The following ANKFN1 variants were observed in gnomAD, a reference collection of about 807,000 sequenced individuals.
The protein encoded by ANKFN1 is ankyrin repeat and fibronectin type-III domain-containing protein 1.
Under a neutral mutation model 108.7 loss-of-function variants are expected in ANKFN1, and 74 were observed. The observed-to-expected ratio is 0.68, with a 90% CI of 0.56 to 0.83. The LOEUF (loss-of-function observed/expected upper bound fraction) is 0.83, where lower values mean the gene tolerates loss of function less well. Ranked by LOEUF, ANKFN1 falls within the 40% of genes least tolerant of loss-of-function variation. The pLI is 0.00. For synonymous variants in ANKFN1, 547 were observed against 516.2 expected (o/e 1.06, Z -0.81); for missense variants, 1,505 against 1,382.3 (o/e 1.09, Z -1.41).
chr17:56,332,979 G>GTATATATATATATATA lies in ANKFN1; in HGVS notation c.188+6630_188+6645dup, dbSNP rs61494269. On this transcript the variant is annotated intron_variant, in intron 4 of 20. Transcript: ENST00000682825. ...ATGAACAAGGTGTGTATATATGTGT[G>GTATATATATATATATA]TATATATATATATATATATATCTTC... 3.4e-3 allele frequency among the ~76,000 whole-genome samples: 507 copies of GTATATATATATATATA among 147,750 alleles called. 6 individuals carry two copies. The highest frequency in any genetic ancestry group is 0.012 in the African/African-American group (468 of 39,496).
intron 10 of ANKFN1, among the ~76,000 whole-genome samples, chr17:56,447,485 G>A (rs1197566237): frequency 1.3e-5 from 2 of 152,280 alleles, no homozygotes; most frequent in African/African-American, 4.8e-5. Context: ...TTGAGGGTCA[G>A]GAGATATTAT....
chr17:56,374,944 C>T (rs1230207731), intron 8 of ANKFN1, among the ~76,000 whole-genome samples: 1 of 152,176 alleles, frequency 6.6e-6, no homozygotes, highest in Non-Finnish European at 1.5e-5. Flanking sequence ...TTTCAAGTCC[C>T]TCAATTACTG....
intron 3 of ANKFN1, among the ~76,000 whole-genome samples, chr17:56,267,272 G>A (rs2043676986): frequency 6.6e-6 from 1 of 152,124 alleles, no homozygotes; most frequent in Admixed American, 6.6e-5. Context: ...TTTTAAATGA[G>A]GTTGTTGGAT....
At chr17:56,490,191 A>G (rs939085021) in intron 18 of ANKFN1, among the ~76,000 whole-genome samples, 4 of 152,246 alleles carry the variant, frequency 2.6e-5, no homozygotes, top group Non-Finnish European at 5.9e-5. Context: ...AAGTAAACAC[A>G]TAAGTACAAT....
At chr17:56,218,680 A>G (rs902921796) in intron 2 of ANKFN1, among the ~76,000 whole-genome samples, 6 of 152,136 alleles carry the variant, frequency 3.9e-5, no homozygotes, top group Admixed American at 1.3e-4. Context: ...GGATCACCAG[A>G]GCCATCCTTC....
intron 8 of ANKFN1, among the ~76,000 whole-genome samples, chr17:56,411,816 C>T (rs1301443136): frequency 6.6e-6 from 1 of 152,108 alleles, no homozygotes; most frequent in Non-Finnish European, 1.5e-5. Flanking sequence ...GTTGAAATCC[C>T]TTCATACCCC....
chr17:56,288,069 T>A (rs150901880), intron 3 of ANKFN1, among the ~76,000 whole-genome samples: 1 of 152,052 alleles, frequency 6.6e-6, no homozygotes, highest in South Asian at 2.1e-4. Flanking sequence ...TTTTTTTTAA[T>A]TTTAAAATTC....
At chr17:56,135,359 T>G (rs577061403) in intron 4 of ANKFN1, among the ~76,000 whole-genome samples, 1 of 152,252 alleles carries the variant, frequency 6.6e-6, no homozygotes, top group South Asian at 2.1e-4. Flanking sequence ...CCCAAGTCAA[T>G]AGATCTGGAT....
intron 9 of ANKFN1, 137 bp downstream of exon 9, chr17:56,440,561 G>A (rs972135692): frequency 3.4e-6 from 2 of 595,618 alleles, no homozygotes; most frequent in African/African-American, 3.7e-5. Flanking sequence ...AGCATGATAT[G>A]TCTGGTATCT....
At chr17:56,318,965 T>C (rs2045285787) in intron 3 of ANKFN1, among the ~76,000 whole-genome samples, 1 of 152,178 alleles carries the variant, frequency 6.6e-6, no homozygotes, top group African/African-American at 2.4e-5. Flanking sequence ...TAAATTCTCC[T>C]AAGTGGACTC....
At chr17:56,235,111 T>G (rs1308856275) in intron 3 of ANKFN1, among the ~76,000 whole-genome samples, 1 of 152,184 alleles carries the variant, frequency 6.6e-6, no homozygotes, top group Admixed American at 6.6e-5. Flanking sequence ...CGGTGATATT[T>G]GACTTTTTTT....
At position 56,510,771 on chromosome 17, in the gene ANKFN1, G is replaced by A. The variant is rs1278878397; in HGVS notation, c.2943G>A (p.Lys981=). Residue 981 remains lysine, a synonymous_variant, in exon 21 of 21, where the codon AAG becomes AAA. Transcript: ENST00000682825. The stretch of plus-strand genomic sequence containing the variant: ...TGACCCTCACGGGGTTCACACCCAA[G>A]AACCACGCCAAGACTGTGTCCGGTG... ...HSLTLTGFTP[K]NHAKTVSGGR... 1.3e-6 allele frequency: 2 copies of A among 1,536,028 alleles called. No homozygotes were observed. Among genetic ancestry groups the A allele is most frequent in the Non-Finnish European group, 1.7e-6 (2 of 1,146,918 alleles).
chr17:56,165,773 T>G (rs1208955035), intron 1 of ANKFN1, among the ~76,000 whole-genome samples: 1 of 152,186 alleles, frequency 6.6e-6, no homozygotes, highest in African/African-American at 2.4e-5. Flanking sequence ...AAATGTTCTT[T>G]TCAACATCAC....
intron 1 of ANKFN1, among the ~76,000 whole-genome samples, chr17:56,193,405 A>T: frequency 6.8e-6 from 1 of 147,340 alleles, no homozygotes; most frequent in Middle Eastern, 3.5e-3. Context: ...AGTATAATTA[A>T]AAAAAAAAAT....
In ANKFN1 at chr17:56,498,996, G is replaced by A. The variant is rs745546649; in HGVS notation, c.2542G>A (p.Glu848Lys). The A allele has an allele frequency of 2.0e-6, 3 of 1,535,736 alleles. No individual in the cohort carries two copies. The highest frequency in any genetic ancestry group is 2.4e-5 in the South Asian group (2 of 84,044). ...PITKLIDPSDEQSLKKINSTS... is the reference protein window; with the variant it reads ...PITKLIDPSDKQSLKKINSTS... Reference sequence around the variant, plus strand: ...CACTAAGCTGATAGACCCCTCAGATGAGCAGAGCCTAAAGAAGATCAATTC... The same window carrying A: ...CACTAAGCTGATAGACCCCTCAGATAAGCAGAGCCTAAAGAAGATCAATTC... The change falls in exon 20 of 21, where the codon GAG becomes AAG. Residue 848 changes from glutamate (E) to lysine (K), a missense_variant. Glu to Lys is a moderately conservative substitution (Grantham distance 56, BLOSUM62 1). Transcript: ENST00000682825.
intron 7 of ANKFN1, among the ~76,000 whole-genome samples, chr17:56,373,290 G>A (rs556906876): frequency 1.1e-3 from 162 of 152,306 alleles, no homozygotes; most frequent in Non-Finnish European, 2.2e-3. Context: ...CTGAACTTCA[G>A]TTAACACAGG....
chr17:56,181,877 T>C (rs1175063698), intron 1 of ANKFN1, among the ~76,000 whole-genome samples: 1 of 152,198 alleles, frequency 6.6e-6, no homozygotes, highest in Non-Finnish European at 1.5e-5. Flanking sequence ...TCCAATAGAA[T>C]GTGCTAACTT....
At chr17:56,292,712 G>A (rs1422456017) in intron 3 of ANKFN1, among the ~76,000 whole-genome samples, 1 of 152,036 alleles carries the variant, frequency 6.6e-6, no homozygotes, top group African/African-American at 2.4e-5. Context: ...TCTAAGCAAA[G>A]CAGTTTGATT....
intron 2 of ANKFN1, among the ~76,000 whole-genome samples, 146 bp downstream of exon 2, chr17:56,212,825 A>G (rs906665448): frequency 3.9e-5 from 6 of 152,300 alleles, no homozygotes; most frequent in African/African-American, 1.4e-4. Context: ...TTTACCTTGC[A>G]TGGAATTTAG....
Sources: gnomAD v4.1 joint callset for allele counts (sites outside exome capture counted in the v4.1 genomes callset) on GRCh38, gnomAD v4.1.1 for gene constraint, MANE v1.5 for transcripts, NCBI Gene and HGNC (gene_info 2026-07-23, HGNC 2026-07-21) for gene names.